MACROD2: variants seen among roughly 807,000 people sequenced by gnomAD.
MACROD2 encodes mono-ADP ribosylhydrolase 2, also known as ADP-ribose glycohydrolase MACROD2.
In MACROD2, 36 loss-of-function variants were observed where a neutral mutation model predicts 70.4. The ratio of observed to expected loss-of-function variants is 0.51; its 90% CI spans 0.39 to 0.68. The LOEUF is 0.68. Among genes scored for constraint, MACROD2 ranks in the 30% least tolerant of loss-of-function variants. The pLI is 0.00. For missense variants in MACROD2, 496 were observed against 538.4 expected, an observed-to-expected ratio of 0.92 and a Z score of 0.78; for synonymous variants, 172 against 178.8, an observed-to-expected ratio of 0.96 and a Z score of 0.30.
intron 6 of MACROD2, among the ~76,000 whole-genome samples, chr20:15,305,200 A>G (rs1259244771): frequency 6.6e-6 from 1 of 151,298 alleles, no homozygotes; most frequent in Non-Finnish European, 1.5e-5. Context: ...ATAATTACAC[A>G]ACTTTAGTTT....
At chr20:14,800,098 A>G (rs1168946394) in intron 5 of MACROD2, among the ~76,000 whole-genome samples, 1 of 151,638 alleles carries the variant, frequency 6.6e-6, no homozygotes, top group Non-Finnish European at 1.5e-5. Context: ...TCCCAGTCAC[A>G]GAAACTAGGA....
intron 4 of MACROD2, among the ~76,000 whole-genome samples, chr20:14,522,677 A>G (rs1221626571): frequency 6.6e-6 from 1 of 152,096 alleles, no homozygotes; most frequent in Non-Finnish European, 1.5e-5. Context: ...TTCCCTCTCA[A>G]TGGCATTTGA....
intron 5 of MACROD2, among the ~76,000 whole-genome samples, chr20:14,954,894 T>G (rs1471695212): frequency 9.0e-6 from 1 of 110,630 alleles, no homozygotes; most frequent in Non-Finnish European, 1.6e-5. Context: ...TTATATATTA[T>G]ATATAATTTA....
At chr20:14,385,227 T>A (rs1479423305) in intron 3 of MACROD2, among the ~76,000 whole-genome samples, 8 of 152,160 alleles carry the variant, frequency 5.3e-5, no homozygotes, top group Admixed American at 5.2e-4. Context: ...GATAGAATAA[T>A]CATTTAAATA....
intron 6 of MACROD2, among the ~76,000 whole-genome samples, chr20:15,379,248 A>C (rs34838151): frequency 0.068 from 10,420 of 152,232 alleles, 454 homozygotes; most frequent in East Asian, 0.17. Context: ...GCATCTTCTC[A>C]TGAGATGGAT....
chr20:14,546,191 A>G (rs2085490142), intron 4 of MACROD2, among the ~76,000 whole-genome samples: 1 of 152,172 alleles, frequency 6.6e-6, no homozygotes. Flanking sequence ...CTCTATGTAA[A>G]TATAGTAAAA....
At chr20:15,881,327 G>A (rs1440721539) in intron 9 of MACROD2, among the ~76,000 whole-genome samples, 12 of 152,030 alleles carry the variant, frequency 7.9e-5, no homozygotes, top group Non-Finnish European at 1.5e-4. Context: ...CAAAAAGCTT[G>A]GAGGCTACGA....
intron 5 of MACROD2, among the ~76,000 whole-genome samples, chr20:14,722,395 T>A (rs2071480321): frequency 2.6e-5 from 4 of 152,116 alleles, no homozygotes; most frequent in Non-Finnish European, 5.9e-5. Flanking sequence ...TATTAAGAGG[T>A]TAACTCAGAT....
chr20:14,789,184 G>A (rs2072416076), intron 5 of MACROD2, among the ~76,000 whole-genome samples: 2 of 151,232 alleles, frequency 1.3e-5, no homozygotes, highest in East Asian at 1.9e-4. Flanking sequence ...GGCCTATATC[G>A]AAACCTGTAA....
At chr20:15,089,602 G>C (rs1025510614) in intron 5 of MACROD2, among the ~76,000 whole-genome samples, 1 of 152,004 alleles carries the variant, frequency 6.6e-6, no homozygotes, top group Non-Finnish European at 1.5e-5. Flanking sequence ...AAAGCAAAAG[G>C]TCTCCTTTTG....
chr20:14,404,268 T>TA (rs1337853407), intron 3 of MACROD2, among the ~76,000 whole-genome samples: 1 of 152,104 alleles, frequency 6.6e-6, no homozygotes, highest in Non-Finnish European at 1.5e-5. Flanking sequence ...TTTGAAAACA[T>TA]AAAGGCTAAG....
intron 8 of MACROD2, among the ~76,000 whole-genome samples, chr20:15,686,098 T>C (rs2050221240): frequency 1.3e-5 from 2 of 152,222 alleles, no homozygotes; most frequent in Non-Finnish European, 2.9e-5. Flanking sequence ...AATGATGAGT[T>C]GGCCCAAAGA....
At chr20:14,912,089 G>A in intron 5 of MACROD2, among the ~76,000 whole-genome samples, 1 of 151,996 alleles carries the variant, frequency 6.6e-6, no homozygotes, top group Non-Finnish European at 1.5e-5. Flanking sequence ...TAAATTAGGG[G>A]GTCACTTGGT....
chr20:15,875,759 T>C (rs190158828), intron 9 of MACROD2, among the ~76,000 whole-genome samples: 47 of 151,836 alleles, frequency 3.1e-4, no homozygotes, highest in Non-Finnish European at 5.7e-4. Flanking sequence ...TTGATCTCAT[T>C]AGGAAGTTCT....
intron 4 of MACROD2, among the ~76,000 whole-genome samples, chr20:14,671,466 G>A (rs1028296804): frequency 1.3e-5 from 2 of 152,102 alleles, no homozygotes; most frequent in Non-Finnish European, 2.9e-5. Flanking sequence ...AGTTCAGAAA[G>A]AGGAATGAAA....
chr20:14,008,910 C>T (rs1569112731), intron 2 of MACROD2, among the ~76,000 whole-genome samples: 1 of 152,132 alleles, frequency 6.6e-6, no homozygotes, highest in Non-Finnish European at 1.5e-5. Context: ...GGAAAACTGC[C>T]TAGTCATATG....
At chr20:15,172,559 T>C (rs2076430666) in intron 5 of MACROD2, among the ~76,000 whole-genome samples, 2 of 152,172 alleles carry the variant, frequency 1.3e-5, no homozygotes, top group Admixed American at 6.5e-5. Flanking sequence ...GCTACTGTTT[T>C]GTTTTTTTTT....
At chr20:15,054,807 G>A (rs200087780) in intron 5 of MACROD2, among the ~76,000 whole-genome samples, 1 of 152,098 alleles carries the variant, frequency 6.6e-6, no homozygotes, top group East Asian at 1.9e-4. Context: ...GTTTTGAGAT[G>A]GAGTCTCACT....
At chr20:15,946,492 C>T (rs6110839) in intron 12 of MACROD2, among the ~76,000 whole-genome samples, 2,941 of 152,228 alleles carry the variant, frequency 0.019, 58 homozygotes, top group African/African-American at 0.048. Context: ...TTACAATTCA[C>T]CCCATAGAGT....
Sources: allele counts gnomAD v4.1 joint callset (sites outside exome capture counted in the v4.1 genomes callset), GRCh38; gene constraint gnomAD v4.1.1; transcripts MANE v1.5; gene names NCBI Gene and HGNC (gene_info 2026-07-23, HGNC 2026-07-21).